The following CADPS variants were observed in gnomAD, a reference collection of about 807,000 sequenced individuals.
The protein encoded by CADPS is calcium-dependent secretion activator 1.
A neutral mutation model predicts 167.3 loss-of-function variants in CADPS; 57 were observed. That is an observed-to-expected ratio of 0.34 (90% CI 0.28 to 0.42). CADPS has a LOEUF of 0.42. Ranked by LOEUF, CADPS falls within the 20% of genes least tolerant of loss-of-function variation. CADPS has a pLI of 1.00. For missense variants in CADPS, 1,414 were observed against 1,738.1 expected (o/e 0.81, Z 3.32); for synonymous variants, 676 against 635.3 (o/e 1.06, Z -0.96).
intron 1 of CADPS, among the ~76,000 whole-genome samples, chr3:62,839,442 G>A (rs780804316): frequency 1.2e-4 from 18 of 152,118 alleles, no homozygotes; most frequent in Non-Finnish European, 2.1e-4. Context: ...CAAGCAGAAA[G>A]TATATGCAAA....
intron 24 of CADPS, 107 bp from the exon 25 acceptor site, chr3:62,466,520 C>T: frequency 1.4e-6 from 1 of 739,094 alleles, no homozygotes; most frequent in East Asian, 2.7e-5. Context: ...GGCCTGCGGA[C>T]CCCGTTTATT....
intron 28 of CADPS, among the ~76,000 whole-genome samples, chr3:62,416,168 G>C (rs144920766): frequency 6.6e-6 from 1 of 152,198 alleles, no homozygotes; most frequent in Non-Finnish European, 1.5e-5. Flanking sequence ...TTACTCAGCA[G>C]GTGACGGTGG....
At position 62,623,183 on chromosome 3, in the gene CADPS, T is replaced by A. The variant is rs575053271; in HGVS notation, c.1325+22539A>T. On this transcript the variant is annotated intron_variant, in intron 6 of 29. Transcript: ENST00000383710. ...CTGGGAGTAAGTCCCACATGTGAGG[T>A]GAAGATGGGCTCCTGGGTTTACATC... is the stretch of plus-strand genomic sequence containing the variant. Among the ~76,000 whole-genome samples the A allele has an allele frequency of 1.5e-3, 222 of 152,226 alleles. 2 individuals carry two copies. Among genetic ancestry groups the A allele is most frequent in the African/African-American group, 5.2e-3 (214 of 41,544 alleles).
chr3:62,633,383 A>C (rs756645656), intron 6 of CADPS, among the ~76,000 whole-genome samples: 1 of 152,030 alleles, frequency 6.6e-6, no homozygotes, highest in East Asian at 1.9e-4. Context: ...TAAATACATA[A>C]ATCCAACCAG....
intron 3 of CADPS, among the ~76,000 whole-genome samples, chr3:62,680,641 C>T (rs1453220972): frequency 6.6e-6 from 1 of 152,064 alleles, no homozygotes; most frequent in African/African-American, 2.4e-5. Flanking sequence ...GTCTCCCTCC[C>T]TCCTCTCTAT....
At chr3:62,563,356 G>T (rs1450659346) in intron 9 of CADPS, among the ~76,000 whole-genome samples, 8 of 152,144 alleles carry the variant, frequency 5.3e-5, no homozygotes, top group African/African-American at 1.9e-4. Context: ...GACTACTATT[G>T]TATTCCAAGG....
Position 62,648,208 on chromosome 3 carries a change from T to G in CADPS, c.1204-2365A>C, listed in dbSNP as rs150847412. On this transcript the variant is annotated intron_variant, in intron 5 of 29. Transcript: ENST00000383710. ...GCAATGGTTTTTGCTGGCAGTTTTC[T>G]ATGATGTGCAATTCAGTGTTCTATT... Among the ~76,000 whole-genome samples the G allele has an allele frequency of 5.1e-4, 78 of 152,322 alleles. 2 individuals carry two copies. In the East Asian group the frequency reaches 9.4e-3, roughly 18 times the overall value.
chr3:62,560,101 C>A (rs182553621), intron 9 of CADPS, among the ~76,000 whole-genome samples: 562 of 151,814 alleles, frequency 3.7e-3, no homozygotes, highest in Non-Finnish European at 6.6e-3. Flanking sequence ...GTTGGTAAAC[C>A]AAATTGAGTT....
intron 1 of CADPS, among the ~76,000 whole-genome samples, chr3:62,829,437 C>T (rs13081626): frequency 0.3 from 45,688 of 151,860 alleles, 7,560 homozygotes; most frequent in East Asian, 0.49. Flanking sequence ...TTAGTATCTG[C>T]GGAGGGTCCT....
chr3:62,585,301 G>T lies in CADPS; in HGVS notation c.1461C>A (p.Asn487Lys). 6.2e-7 allele frequency: 1 copy of T among 1,611,116 alleles called. No homozygotes were observed. Among genetic ancestry groups the T allele is most frequent in the Non-Finnish European group, 8.5e-7 (1 of 1,178,420 alleles). The change falls in exon 8 of 30, where the codon AAC becomes AAA. Residue 487 changes from asparagine (N) to lysine (K), a missense_variant. Coordinates refer to ENST00000383710, the MANE Select transcript of CADPS (RefSeq NM_003716.4). The stretch of plus-strand genomic sequence containing the variant: ...TGTGCCACTCTGACTGTTTGGGGCT[G>T]TTCGGGGTGGGATGGAGAATAACCT... ...LGRVILHPTP[N>K]SPKQSEWHKM...
At chr3:62,829,498 G>A (rs139772462) in intron 1 of CADPS, among the ~76,000 whole-genome samples, 11 of 152,180 alleles carry the variant, frequency 7.2e-5, no homozygotes, top group African/African-American at 2.2e-4. Context: ...TTTCATCTAT[G>A]TCACAGGTTA....
chr3:62,527,186 T>A (rs2072491250), intron 13 of CADPS, among the ~76,000 whole-genome samples: 1 of 152,222 alleles, frequency 6.6e-6, no homozygotes, highest in Non-Finnish European at 1.5e-5. Flanking sequence ...CTTTTAGACA[T>A]AGGGTAAGTC....
intron 28 of CADPS, among the ~76,000 whole-genome samples, chr3:62,434,304 C>T (rs1468265291): frequency 2.0e-5 from 3 of 152,144 alleles, no homozygotes; most frequent in African/African-American, 4.8e-5. Context: ...TCCAGCTGCA[C>T]ATCTGAAATA....
At chr3:62,852,932 A>G (rs972373453) in intron 1 of CADPS, among the ~76,000 whole-genome samples, 1 of 152,216 alleles carries the variant, frequency 6.6e-6, no homozygotes, top group African/African-American at 2.4e-5. Flanking sequence ...CCAATATTCA[A>G]TTACTCCTTT....
chr3:62,707,333 CG>C (rs1196562643), intron 3 of CADPS, among the ~76,000 whole-genome samples: 1 of 152,106 alleles, frequency 6.6e-6, no homozygotes, highest in Non-Finnish European at 1.5e-5. Flanking sequence ...CCTGCAACCC[CG>C]GGTCTGTGAA....
chr3:62,775,647 A>T (rs1387479132), intron 1 of CADPS, among the ~76,000 whole-genome samples: 1 of 152,174 alleles, frequency 6.6e-6, no homozygotes, highest in Non-Finnish European at 1.5e-5. Flanking sequence ...AAATACCTAC[A>T]TTTGTCTGTT....
At chr3:62,859,896 T>C (rs1396675682) in intron 1 of CADPS, among the ~76,000 whole-genome samples, 1 of 152,184 alleles carries the variant, frequency 6.6e-6, no homozygotes, top group Non-Finnish European at 1.5e-5. Context: ...CACTCTCTAT[T>C]TGCCAATCAC....
chr3:62,842,345 T>C (rs1357189882), intron 1 of CADPS, among the ~76,000 whole-genome samples: 4 of 152,212 alleles, frequency 2.6e-5, no homozygotes, highest in Non-Finnish European at 5.9e-5. Context: ...TGATAAATGG[T>C]AGGGATAGGA....
chr3:62,453,300 T>A (rs1324581468), intron 26 of CADPS, among the ~76,000 whole-genome samples: 1 of 152,210 alleles, frequency 6.6e-6, no homozygotes, highest in East Asian at 1.9e-4. Context: ...CTGTTTCATT[T>A]TTTTTAGCCA....
Sources: gnomAD v4.1 joint callset for allele counts (sites outside exome capture counted in the v4.1 genomes callset) on GRCh38, gnomAD v4.1.1 for gene constraint, MANE v1.5 for transcripts, NCBI Gene and HGNC (gene_info 2026-07-23, HGNC 2026-07-21) for gene names.